The following MAP4K4 variants were observed in gnomAD, a reference collection of about 807,000 sequenced individuals.
The protein encoded by MAP4K4 is mitogen-activated protein kinase kinase kinase kinase 4.
MAP4K4 carries 38 observed loss-of-function variants against 189.6 expected under a neutral mutation model. The ratio of observed to expected loss-of-function variants is 0.20; its 90% CI spans 0.15 to 0.26. MAP4K4 has a LOEUF of 0.26. Ranked by LOEUF, MAP4K4 falls within the 10% of genes least tolerant of loss-of-function variation. The pLI is 1.00. For synonymous variants in MAP4K4, 610 were observed against 624.3 expected (o/e 0.98, Z 0.34); for missense variants, 1,054 against 1,726.9 (o/e 0.61, Z 6.91).
chr2:101,853,093 G>A (rs1375170047), intron 12 of MAP4K4, among the ~76,000 whole-genome samples: 1 of 152,142 alleles, frequency 6.6e-6, no homozygotes, highest in Non-Finnish European at 1.5e-5. Context: ...AGGAAATAAG[G>A]CCCCAAGTGA....
rs1198843458 is a variant in MAP4K4, at chr2:101,790,783, T to C, written c.180+7T>C. ...AGTTATGGATGTCACTGAGGTAAGA[T>C]TGAGTCACACACATTTTTAAATAAT... is the stretch of plus-strand genomic sequence containing the variant. On this transcript the variant is annotated splice_region_variant and intron_variant, in intron 3 of 32. Coordinates refer to ENST00000324219, the Ensembl canonical transcript of MAP4K4. 1.9e-6 allele frequency: 3 copies of C among 1,603,148 alleles called. No individual in the cohort carries two copies. The highest frequency in any genetic ancestry group is 1.7e-6 in the Non-Finnish European group (2 of 1,172,516).
chr2:101,815,058 C>G (rs1576103692), intron 3 of MAP4K4, among the ~76,000 whole-genome samples: 2 of 152,162 alleles, frequency 1.3e-5, no homozygotes, highest in African/African-American at 4.8e-5. Flanking sequence ...ACAGCCAATA[C>G]TTTGATTAAC....
intron 2 of MAP4K4, among the ~76,000 whole-genome samples, chr2:101,728,935 T>A (rs999800687): frequency 6.6e-6 from 1 of 152,192 alleles, no homozygotes. Context: ...AAATTAAGAA[T>A]AAAATCAATC....
intron 2 of MAP4K4, among the ~76,000 whole-genome samples, chr2:101,705,495 C>G (rs1166064486): frequency 6.6e-6 from 1 of 152,174 alleles, no homozygotes; most frequent in South Asian, 2.1e-4. Context: ...AGCAGGGCTT[C>G]TCTGTGCTTT....
intron 6 of MAP4K4, among the ~76,000 whole-genome samples, chr2:101,831,121 G>A (rs1049173838): frequency 1.3e-5 from 2 of 152,152 alleles, no homozygotes; most frequent in East Asian, 1.9e-4. Flanking sequence ...TCTGCCTCCC[G>A]TCCTTGAACT....
chr2:101,866,620 G>C (rs1266017876), intron 19 of MAP4K4, 41 bp downstream of exon 19: 1 of 1,595,742 alleles, frequency 6.3e-7, no homozygotes, highest in South Asian at 1.1e-5. Flanking sequence ...CTAATGTTTT[G>C]AGCTGTGATC....
rs191750257 is a variant in MAP4K4 at position 101,815,982 on chromosome 2, C to T, written c.181-7946C>T. Among the ~76,000 whole-genome samples, 188 of 152,286 alleles carry T rather than the reference C, an allele frequency of 1.2e-3. 1 individual carries two copies. Among genetic ancestry groups the T allele is most frequent in the Non-Finnish European group, 1.3e-4 (9 of 68,006 alleles). ...TGCTCTCTGTGCAGCTGTCTCCTTTCTGGTATTCTGTCCTGCGACTGCAGC... is the reference window on the plus strand; with the variant it reads ...TGCTCTCTGTGCAGCTGTCTCCTTTTTGGTATTCTGTCCTGCGACTGCAGC... On this transcript the variant is annotated intron_variant, in intron 3 of 32. Transcript: ENST00000324219.
chr2:101,879,372 A>AG (rs1428063858), intron 27 of MAP4K4, among the ~76,000 whole-genome samples: 1 of 151,348 alleles, frequency 6.6e-6, no homozygotes, highest in Non-Finnish European at 1.5e-5. Flanking sequence ...GAAGAAACTT[A>AG]GGAAGAATAA....
chr2:101,770,961 A>G (rs567821675), intron 2 of MAP4K4, among the ~76,000 whole-genome samples: 1 of 152,180 alleles, frequency 6.6e-6, no homozygotes, highest in African/African-American at 2.4e-5. Flanking sequence ...TGTAGGCTCT[A>G]CCTGATTGAT....
At chr2:101,699,329 G>A (rs1253246409) in intron 2 of MAP4K4, among the ~76,000 whole-genome samples, 1 of 152,192 alleles carries the variant, frequency 6.6e-6, no homozygotes, top group Non-Finnish European at 1.5e-5. Flanking sequence ...GCGCTGAGTA[G>A]CTGACACCTG....
At chr2:101,856,831 C>A (rs2097484014) in intron 13 of MAP4K4, among the ~76,000 whole-genome samples, 1 of 152,158 alleles carries the variant, frequency 6.6e-6, no homozygotes, top group Admixed American at 6.5e-5. Context: ...TATGTGAGGA[C>A]CAATTTAAAT....
At chr2:101,724,847 A>T (rs2054335509) in intron 2 of MAP4K4, among the ~76,000 whole-genome samples, 1 of 152,206 alleles carries the variant, frequency 6.6e-6, no homozygotes, top group South Asian at 2.1e-4. Context: ...GCACATAAGG[A>T]TGTTTTAATC....
intron 3 of MAP4K4, among the ~76,000 whole-genome samples, chr2:101,800,655 T>C (rs2094279957): frequency 6.6e-6 from 1 of 152,242 alleles, no homozygotes; most frequent in Admixed American, 6.5e-5. Flanking sequence ...TCGTTGGGAC[T>C]GGAAATGGCA....
intron 7 of MAP4K4, among the ~76,000 whole-genome samples, chr2:101,832,527 T>C (rs1405413800): frequency 6.6e-6 from 1 of 152,246 alleles, no homozygotes; most frequent in Non-Finnish European, 1.5e-5. Flanking sequence ...TGAGACTTAA[T>C]TTAAGACTGT....
At chr2:101,711,943 G>T (rs1294579261) in intron 2 of MAP4K4, among the ~76,000 whole-genome samples, 1 of 147,406 alleles carries the variant, frequency 6.8e-6, no homozygotes, top group African/African-American at 2.5e-5. Context: ...ATCAGCTAAG[G>T]ACTTGATCTC....
intron 2 of MAP4K4, among the ~76,000 whole-genome samples, chr2:101,709,166 T>C (rs1185511485): frequency 6.6e-6 from 1 of 152,194 alleles, no homozygotes; most frequent in Non-Finnish European, 1.5e-5. Flanking sequence ...CTGAATCCTT[T>C]ATCTTCCCCA....
At chr2:101,789,319 A>G (rs537261871) in intron 2 of MAP4K4, among the ~76,000 whole-genome samples, 3 of 152,328 alleles carry the variant, frequency 2.0e-5, no homozygotes, top group South Asian at 4.1e-4. Context: ...GTTGGCAGTC[A>G]CAACTATAGG....
chr2:101,754,341 GTTTTTTTT>G (rs59198391), intron 2 of MAP4K4, among the ~76,000 whole-genome samples: 8 of 85,830 alleles, frequency 9.3e-5, no homozygotes, highest in Admixed American at 2.8e-4. Context: ...CTTTTTTGCT[GTTTTTTTT>G]TTTTTTTTTT....
At chr2:101,751,452 C>T (rs1211011408) in intron 2 of MAP4K4, among the ~76,000 whole-genome samples, 1 of 152,182 alleles carries the variant, frequency 6.6e-6, no homozygotes, top group Non-Finnish European at 1.5e-5. Context: ...CCTGGAGTCT[C>T]AATGTCTCAT....
Sources: allele counts gnomAD v4.1 joint callset (sites outside exome capture counted in the v4.1 genomes callset), GRCh38; gene constraint gnomAD v4.1.1; transcripts MANE v1.5; gene names NCBI Gene and HGNC (gene_info 2026-07-23, HGNC 2026-07-21).